Variants in IL20RA observed in about 807,000 individuals in gnomAD.
IL20RA encodes the protein interleukin 20 receptor subunit alpha.
Under a neutral mutation model 36.5 loss-of-function variants are expected in IL20RA, and 29 were observed. The ratio of observed to expected loss-of-function variants is 0.79; its 90% CI spans 0.59 to 1.08. The LOEUF is 1.08. Among genes scored for constraint, IL20RA ranks in the 50% least tolerant of loss-of-function variants. The pLI is 0.00. For missense variants in IL20RA, 652 were observed against 668.4 expected (o/e 0.98, Z 0.27); for synonymous variants, 279 against 267.1 (o/e 1.04, Z -0.43).
intron 1 of IL20RA, among the ~76,000 whole-genome samples, chr6:137,039,518 G>A (rs997986586): frequency 6.6e-6 from 1 of 152,174 alleles, no homozygotes; most frequent in African/African-American, 2.4e-5. Context: ...ACAGAAATCA[G>A]ATTTAGACCT....
chr6:137,018,451 TTTTG>T (rs1242319320), intron 1 of IL20RA, among the ~76,000 whole-genome samples: 3 of 152,040 alleles, frequency 2.0e-5, no homozygotes, highest in African/African-American at 7.2e-5. Context: ...ATTTAAAAAA[TTTTG>T]TTTTATTTTT....
In IL20RA at chr6:137,021,744, G is replaced by A. The variant is rs74208254; in HGVS notation, c.89-4641C>T. 7.9e-5 allele frequency among the ~76,000 whole-genome samples: 12 copies of A among 152,304 alleles called. No homozygotes were observed. In the East Asian group the frequency reaches 1.3e-3, roughly 17 times the overall value. On this transcript the variant is annotated intron_variant, in intron 1 of 6. Transcript: ENST00000316649. Reference sequence around the variant, plus strand: ...TGTTTTAATAATAATAATAAATATTGTGAAAGCCTTTATATGTTAAAATGT... The same window carrying A: ...TGTTTTAATAATAATAATAAATATTATGAAAGCCTTTATATGTTAAAATGT...
rs371056367 is a variant in IL20RA, at chr6:137,014,846, G to A, written c.224+2122C>T. ...CTACCAGTCTTTTGGTCATCACTAA[G>A]TTCTTCTTTTGGGTTTGTCTTTATC... On this transcript the variant is annotated intron_variant, in intron 2 of 6. Coordinates refer to ENST00000316649, the MANE Select transcript of IL20RA (RefSeq NM_014432.4). Among the ~76,000 whole-genome samples, 31 of 152,198 alleles carry A rather than the reference G, an allele frequency of 2.0e-4. 2 individuals carry two copies. The highest frequency in any genetic ancestry group is 8.5e-4 in the Admixed American group (13 of 15,278).
rs531501235 is a variant in IL20RA at position 137,004,159 on chromosome 6, C to CGTTTTTTTTTTTTT, written c.864+461_864+462insAAAAAAAAAAAAAC. Among the ~76,000 whole-genome samples, 48 of 87,986 alleles carry CGTTTTTTTTTTTTT rather than the reference C, an allele frequency of 5.5e-4. 12 individuals carry two copies. Among genetic ancestry groups the CGTTTTTTTTTTTTT allele is most frequent in the Non-Finnish European group, 6.7e-4 (33 of 49,098 alleles). The allele number at this position is 87,986 out of a possible 152,430, so 57.7% of individuals were successfully genotyped here. ...TCTGTTAGTCAGCTAATCCAGAAAG[C>CGTTTTTTTTTTTTT]TTTTTTTTTTTTTTTTTTTTTTTTT... is the stretch of plus-strand genomic sequence containing the variant. On this transcript the variant is annotated intron_variant, in intron 6 of 6. Transcript: ENST00000316649.
rs569983434 is a variant in IL20RA at position 137,016,017 on chromosome 6, T to C, written c.224+951A>G. On this transcript the variant is annotated intron_variant, in intron 2 of 6. Coordinates refer to ENST00000316649, the MANE Select transcript of IL20RA (RefSeq NM_014432.4). ...AAACACCCTCTCACCAAATCCATTA[T>C]TCCCTTTGCTCCCTGTGAAGCCTGT... Among the ~76,000 whole-genome samples, 7 of 152,282 alleles carry C rather than the reference T, an allele frequency of 4.6e-5. No individual in the cohort carries two copies. The South Asian group carries it at 1.5e-3, about 32-fold the overall frequency.
chr6:137,019,717 G>A (rs1775831839), intron 1 of IL20RA, among the ~76,000 whole-genome samples: 1 of 152,158 alleles, frequency 6.6e-6, no homozygotes. Flanking sequence ...TATGCCAATT[G>A]TTGAAATGTT....
chr6:137,011,684 T>C lies in IL20RA; in HGVS notation c.225-232A>G, dbSNP rs113718471. Among the ~76,000 whole-genome samples the C allele has an allele frequency of 2.9e-3, 439 of 152,342 alleles. 1 individual carries two copies. The highest frequency in any genetic ancestry group is 9.7e-3 in the African/African-American group (404 of 41,578). Reference sequence around the variant, plus strand: ...TCACCTTTCTTTCTGTGAATTATAATGTGGACAGTATATTTTGGAAGCATA... The same window carrying C: ...TCACCTTTCTTTCTGTGAATTATAACGTGGACAGTATATTTTGGAAGCATA... On this transcript the variant is annotated intron_variant, in intron 2 of 6. Transcript: ENST00000316649.
rs141518169 is a variant in IL20RA at position 137,034,463 on chromosome 6, T to C, written c.88+10178A>G. Reference sequence around the variant, plus strand: ...GTGCAGAATGTGCAGGTTTGTTACATAGGTAAACCGTATGCCACGGTGGTT... The same window carrying C: ...GTGCAGAATGTGCAGGTTTGTTACACAGGTAAACCGTATGCCACGGTGGTT... On this transcript the variant is annotated intron_variant, in intron 1 of 6. Coordinates refer to ENST00000316649, the MANE Select transcript of IL20RA (RefSeq NM_014432.4). Among the ~76,000 whole-genome samples, 270 of 152,306 alleles carry C rather than the reference T, an allele frequency of 1.8e-3. 2 individuals carry two copies. In the South Asian group the frequency reaches 0.037, roughly 21 times the overall value.
Position 137,044,767 on chromosome 6 carries a change from C to T in IL20RA, c.-39G>A, listed in dbSNP as rs1352295094. 4.1e-6 allele frequency: 5 copies of T among 1,209,444 alleles called. No individual in the cohort carries two copies. In the African/African-American group the frequency reaches 6.3e-5, roughly 15 times the overall value. The allele number at this position is 1,209,444 out of a possible 1,614,324, so 74.9% of individuals were successfully genotyped here. ...GGGTCACATGTCGGGGGGCAGCAGA[C>T]TGCTCAGTCCCACGCCCGCTGGGGC... On this transcript the variant is annotated 5_prime_UTR_variant, in exon 1 of 7. Transcript: ENST00000316649.
At chr6:137,035,002 T>C (rs1365585795) in intron 1 of IL20RA, among the ~76,000 whole-genome samples, 3 of 151,778 alleles carry the variant, frequency 2.0e-5, no homozygotes, top group Non-Finnish European at 4.4e-5. Context: ...TGTTCTTGTG[T>C]TAGTTTGCTG....
chr6:137,027,752 G>C (rs892265611), intron 1 of IL20RA, among the ~76,000 whole-genome samples: 2 of 152,184 alleles, frequency 1.3e-5, no homozygotes, highest in East Asian at 3.8e-4. Flanking sequence ...CAGCTTAGTG[G>C]ATAGAGGCCC....
intron 3 of IL20RA, among the ~76,000 whole-genome samples, chr6:137,009,733 G>A (rs1016847308): frequency 2.0e-5 from 3 of 149,644 alleles, no homozygotes; most frequent in African/African-American, 7.4e-5. Flanking sequence ...AGCCTCCCAA[G>A]TAGCTAGGAT....
intron 6 of IL20RA, 34 bp from the exon 7 acceptor site, chr6:137,002,389 TCACTTTA>T: frequency 7.0e-7 from 1 of 1,432,432 alleles, no homozygotes; most frequent in Non-Finnish European, 9.5e-7. Flanking sequence ...TTTCACCTTT[TCACTTTA>T]GAGAGACATT....
chr6:137,009,347 C>A lies in IL20RA; in HGVS notation c.549G>T (p.Val183=). 1 of 1,613,658 alleles carries A rather than the reference C, an allele frequency of 6.2e-7. No individual in the cohort carries two copies. The highest frequency in any genetic ancestry group is 8.5e-7 in the Non-Finnish European group (1 of 1,179,654). Residue 183 remains valine, a synonymous_variant, in exon 4 of 7, where the codon GTG becomes GTT. Coordinates refer to ENST00000316649, the MANE Select transcript of IL20RA (RefSeq NM_014432.4). Reference sequence around the variant, plus strand: ...TGTTTGATTTAGTATTCAACACAGACACGTTATACTTCAGATTGGAGTATA... The same window carrying A: ...TGTTTGATTTAGTATTCAACACAGAAACGTTATACTTCAGATTGGAGTATA... ...QQIYSNLKYN[V]SVLNTKSNRT...
intron 6 of IL20RA, 133 bp from the exon 7 acceptor site, chr6:137,002,488 T>C: frequency 3.1e-6 from 2 of 640,604 alleles, no homozygotes; most frequent in Non-Finnish European, 5.3e-6. Flanking sequence ...ATGAAAGTTA[T>C]GCTTGCAATA....
chr6:137,025,374 A>C (rs1418071564), intron 1 of IL20RA, among the ~76,000 whole-genome samples: 1 of 152,180 alleles, frequency 6.6e-6, no homozygotes, highest in African/African-American at 2.4e-5. Flanking sequence ...TGAACCAGGA[A>C]GTGGGCCCTC....
At chr6:137,034,012 G>C (rs189175353) in intron 1 of IL20RA, among the ~76,000 whole-genome samples, 86 of 152,306 alleles carry the variant, frequency 5.6e-4, no homozygotes, top group African/African-American at 1.9e-3. Flanking sequence ...GTTGACTCAG[G>C]AAGTGGTAAA....
chr6:137,009,762 C>A (rs746478063), intron 3 of IL20RA, among the ~76,000 whole-genome samples: 37 of 151,960 alleles, frequency 2.4e-4, no homozygotes, highest in Non-Finnish European at 4.7e-4. Context: ...CCTGCCAACA[C>A]ACCCAGCTAA....
chr6:137,041,378 C>A (rs1219228921), intron 1 of IL20RA, among the ~76,000 whole-genome samples: 1 of 152,166 alleles, frequency 6.6e-6, no homozygotes, highest in Non-Finnish European at 1.5e-5. Context: ...GAACATTGTA[C>A]AATGGTTACA....
Sources: gnomAD v4.1 joint callset for allele counts (sites outside exome capture counted in the v4.1 genomes callset) on GRCh38, gnomAD v4.1.1 for gene constraint, MANE v1.5 for transcripts, NCBI Gene and HGNC (gene_info 2026-07-23, HGNC 2026-07-21) for gene names.